UBE2T: variants seen among roughly 807,000 people sequenced by gnomAD.
UBE2T encodes the protein ubiquitin conjugating enzyme E2 T, also known as ubiquitin-conjugating enzyme E2 T.
UBE2T carries 15 observed loss-of-function variants against 23.3 expected under a neutral mutation model. The observed-to-expected ratio is 0.64, with a 90% CI of 0.43 to 0.99. UBE2T has a LOEUF of 0.99. UBE2T is among the 50% of genes least tolerant of loss of function. The pLI is 0.00. For synonymous variants in UBE2T, 67 were observed against 78.4 expected, an observed-to-expected ratio of 0.85 and a Z score of 0.77; for missense variants, 197 against 234.9, an observed-to-expected ratio of 0.84 and a Z score of 1.05.
intron 3 of UBE2T, among the ~76,000 whole-genome samples, chr1:202,334,309 A>G (rs954658702): frequency 5.9e-5 from 9 of 152,192 alleles, no homozygotes; most frequent in East Asian, 1.9e-4. Context: ...GCTCTCATTT[A>G]TAAGTGGGAG....
intron 1 of UBE2T, among the ~76,000 whole-genome samples, 199 bp downstream of exon 1, chr1:202,341,696 C>T (rs1229245654): frequency 1.3e-5 from 2 of 151,460 alleles, no homozygotes; most frequent in African/African-American, 4.8e-5. Flanking sequence ...GAGGACGGCT[C>T]GGGGGAGCTC....
intron 6 of UBE2T, among the ~76,000 whole-genome samples, chr1:202,332,267 C>T (rs1368158470): frequency 6.6e-6 from 1 of 152,166 alleles, no homozygotes; most frequent in African/African-American, 2.4e-5. Flanking sequence ...TTCTATCAAC[C>T]TGAAGTTTTT....
rs368296429 is a variant in UBE2T, at chr1:202,331,876, G to A, written c.553C>T (p.Gln185Ter). The A allele has an allele frequency of 2.5e-6, 4 of 1,614,104 alleles. No individual in the cohort carries two copies. The African/African-American group carries it at 4.0e-5, about 16-fold the overall frequency. The part of the protein sequence containing the change: ...HNSTQKRKAS[Q>*]LVGIEKKFHP... ...AATTTCTTTTCTATGCCTACTAGCT[G>A]ACTGGCCTTCCTTTTCTGTGTTGAG... Residue 185 changes from glutamine to a stop codon, truncating the protein, a stop_gained, in exon 7 of 7, where the codon CAG becomes TAG. Coordinates refer to ENST00000646651, the MANE Select transcript of UBE2T (RefSeq NM_014176.4). LOFTEE classifies it high-confidence loss of function.
At chr1:202,332,939 A>AAAAAAAAC (rs1558100064) in intron 6 of UBE2T, 71 bp downstream of exon 6, 1 of 238,832 alleles carries the variant, frequency 4.2e-6, no homozygotes, top group African/African-American at 2.7e-5. Flanking sequence ...AAAAAAAAAA[A>AAAAAAAAC]ACATTATTTA....
intron 6 of UBE2T, 46 bp from the exon 7 acceptor site, chr1:202,332,006 C>G: frequency 6.3e-7 from 1 of 1,594,090 alleles, no homozygotes; most frequent in Non-Finnish European, 8.6e-7. Flanking sequence ...ACACAAATGC[C>G]AGGATGGAGA....
In UBE2T at chr1:202,333,484, C is replaced by G; in HGVS notation, c.251G>C (p.Arg84Thr). The change falls in exon 4 of 7, where the codon AGG becomes ACG. Residue 84 changes from arginine (R) to threonine (T), a missense_variant. Transcript: ENST00000646651. ...IYHPNIDSAG[R>T]ICLDVLKLPP... ...CAATTTGAGAACATCCAGACAAATCCTTCCAGCAGAATCAATGTTTGGATG... is the reference window on the plus strand; with the variant it reads ...CAATTTGAGAACATCCAGACAAATCGTTCCAGCAGAATCAATGTTTGGATG... 6.2e-7 allele frequency: 1 copy of G among 1,614,156 alleles called. No homozygotes were observed. The highest frequency in any genetic ancestry group is 8.5e-7 in the Non-Finnish European group (1 of 1,180,038).
In UBE2T at chr1:202,331,746, T is replaced by C; in HGVS notation, c.*89A>G. ...AATAAACTACACAAAAATTATGTCA[T>C]CAAATATATTTAAAAAAAAATTCAA... is the stretch of plus-strand genomic sequence containing the variant. On this transcript the variant is annotated 3_prime_UTR_variant, in exon 7 of 7. Transcript: ENST00000646651. 1 of 1,498,242 alleles carries C rather than the reference T, an allele frequency of 6.7e-7. No homozygotes were observed. Among genetic ancestry groups the C allele is most frequent in the Non-Finnish European group, 9.1e-7 (1 of 1,098,048 alleles). The allele number at this position is 1,498,242 out of a possible 1,614,324, so 92.8% of individuals were successfully genotyped here.
At chr1:202,332,042 C>T (rs1654764230) in intron 6 of UBE2T, 82 bp from the exon 7 acceptor site, 2 of 1,524,710 alleles carry the variant, frequency 1.3e-6, no homozygotes, top group African/African-American at 1.4e-5. Flanking sequence ...AATATTATTT[C>T]CATGTACTTC....
At chr1:202,333,687 TTCTC>T (rs1457599299) in intron 3 of UBE2T, 132 bp from the exon 4 acceptor site, 1 of 722,134 alleles carries the variant, frequency 1.4e-6, no homozygotes, top group South Asian at 2.1e-5. Flanking sequence ...GAGGCAAACT[TTCTC>T]TCTTCCTAAA....
chr1:202,332,109 T>C, intron 6 of UBE2T, 149 bp from the exon 7 acceptor site: 1 of 1,016,380 alleles, frequency 9.8e-7, no homozygotes, highest in Non-Finnish European at 1.3e-6. Context: ...AAAGACATCT[T>C]CCTCAATTTT....
At chr1:202,336,971 T>C (rs1393720428) in intron 1 of UBE2T, among the ~76,000 whole-genome samples, 1 of 152,152 alleles carries the variant, frequency 6.6e-6, no homozygotes, top group Non-Finnish European at 1.5e-5. Flanking sequence ...TTAGACGGAG[T>C]CTCGGTCTGT....
chr1:202,336,210 CTTTTTTT>C (rs60785340), intron 1 of UBE2T, among the ~76,000 whole-genome samples: 1 of 34,330 alleles, frequency 2.9e-5, no homozygotes. Flanking sequence ...ATGCACCCAG[CTTTTTTT>C]TTTTTTTTTT....
chr1:202,341,209 CT>C (rs764062947), intron 1 of UBE2T, among the ~76,000 whole-genome samples: 1 of 152,138 alleles, frequency 6.6e-6, no homozygotes, highest in Non-Finnish European at 1.5e-5. Context: ...GGTCCCTAGT[CT>C]TTTTTTGTAT....
intron 1 of UBE2T, among the ~76,000 whole-genome samples, chr1:202,339,617 A>C (rs1158911775): frequency 3.3e-5 from 5 of 151,814 alleles, no homozygotes; most frequent in African/African-American, 9.7e-5. Flanking sequence ...AAAAAAAAAA[A>C]AAAAACATCT....
chr1:202,333,584 T>C, intron 3 of UBE2T, 29 bp from the exon 4 acceptor site: 1 of 1,582,720 alleles, frequency 6.3e-7, no homozygotes, highest in Non-Finnish European at 8.6e-7. Context: ...ACAGATAATT[T>C]TCATTACATA....
In UBE2T at chr1:202,335,122, G is replaced by A; in HGVS notation, c.110-64C>T. ...AGATCATTTGAATTACTACCATATG[G>A]AGCTAATGAGGTCTATGGTCCTAAT... is the stretch of plus-strand genomic sequence containing the variant. On this transcript the variant is annotated intron_variant, in intron 2 of 6. Coordinates refer to ENST00000646651, the MANE Select transcript of UBE2T (RefSeq NM_014176.4). The surrounding 1 kb of genome is among the most constrained non-coding windows in gnomAD (Gnocchi z 4.0). 1 of 1,352,458 alleles carries A rather than the reference G, an allele frequency of 7.4e-7. No homozygotes were observed. The highest frequency in any genetic ancestry group is 2.5e-5 in the East Asian group (1 of 40,402). 83.8% of individuals were successfully genotyped at this position (1,352,458 alleles called of 1,614,324 possible). A position where few individuals can be genotyped will look rare whatever the true frequency, so the allele number is the denominator to read the frequency against.
At chr1:202,334,149 T>C (rs1654830581) in intron 3 of UBE2T, among the ~76,000 whole-genome samples, 1 of 152,198 alleles carries the variant, frequency 6.6e-6, no homozygotes, top group Admixed American at 6.5e-5. Flanking sequence ...AACTGTCAGA[T>C]AGTCATTTCT....
In UBE2T at chr1:202,335,391, GTTATC is replaced by G; in HGVS notation, c.109+250_109+254del. ...TCTGGCCTCACAGATATTTGAGATG[GTTATC>G]TTTGATCTAAACACTGCTTCACTGC... On this transcript the variant is annotated intron_variant, in intron 2 of 6. Coordinates refer to ENST00000646651, the MANE Select transcript of UBE2T (RefSeq NM_014176.4). The surrounding 1 kb of genome is among the most constrained non-coding windows in gnomAD (Gnocchi z 4.0). 1 of 542,030 alleles carries G rather than the reference GTTATC, an allele frequency of 1.8e-6. No homozygotes were observed. The highest frequency in any genetic ancestry group is 3.3e-6 in the Non-Finnish European group (1 of 304,402). The allele number at this position is 542,030 out of a possible 1,614,324, so 33.6% of individuals were successfully genotyped here.
Position 202,333,529 on chromosome 1 carries a change from C to A in UBE2T, c.206G>T (p.Arg69Leu), listed in dbSNP as rs200525550. The change falls in exon 4 of 7, where the codon CGA becomes CTA. Residue 69 changes from arginine (R) to leucine (L), a missense_variant. Coordinates refer to ENST00000646651, the MANE Select transcript of UBE2T (RefSeq NM_014176.4). ...TGGATGATAAATTGGAGTGAGAAAT[C>A]GGATCTGAGGAGGTTCAAATGGGTA... The part of the protein sequence containing the change: ...ERYPFEPPQI[R>L]FLTPIYHPNI... 5 of 1,613,916 alleles carry A rather than the reference C, an allele frequency of 3.1e-6. No individual in the cohort carries two copies. Among genetic ancestry groups the A allele is most frequent in the South Asian group, 1.1e-5 (1 of 91,064 alleles).
Sources: allele counts gnomAD v4.1 joint callset (sites outside exome capture counted in the v4.1 genomes callset), GRCh38; gene constraint gnomAD v4.1.1; non-coding constraint Gnocchi (gnomAD v3.1); transcripts MANE v1.5; gene names NCBI Gene and HGNC (gene_info 2026-07-23, HGNC 2026-07-21).